CACNB2: variants seen among roughly 807,000 people sequenced by gnomAD.
The protein encoded by CACNB2 is voltage-dependent L-type calcium channel subunit beta-2.
CACNB2 carries 42 observed loss-of-function variants against 73.3 expected under a neutral mutation model. The ratio of observed to expected loss-of-function variants is 0.57; its 90% CI spans 0.45 to 0.74. The LOEUF (loss-of-function observed/expected upper bound fraction) is 0.74, where lower values mean the gene tolerates loss of function less well. Ranked by LOEUF, CACNB2 falls within the 30% of genes least tolerant of loss-of-function variation. CACNB2 has a pLI of 0.00. For missense variants in CACNB2, 940 were observed against 853.0 expected, an observed-to-expected ratio of 1.10 and a Z score of -1.27; for synonymous variants, 348 against 310.3, an observed-to-expected ratio of 1.12 and a Z score of -1.28.
intron 2 of CACNB2, among the ~76,000 whole-genome samples, chr10:18,157,892 C>T (rs1478213089): frequency 1.3e-5 from 2 of 152,146 alleles, no homozygotes; most frequent in Non-Finnish European, 2.9e-5. Flanking sequence ...ATGTCTTCAG[C>T]GTTGTAAATT....
intron 3 of CACNB2, among the ~76,000 whole-genome samples, chr10:18,405,826 T>C (rs2044257378): frequency 1.3e-5 from 2 of 152,010 alleles, no homozygotes; most frequent in African/African-American, 2.4e-5. Context: ...GGTTTGGTGG[T>C]GTATGCCTGT....
At chr10:18,260,937 G>T in intron 2 of CACNB2, 1 of 1,219,386 alleles carries the variant, frequency 8.2e-7, no homozygotes, top group Non-Finnish European at 1.0e-6. Flanking sequence ...CTGACGATCT[G>T]GACAGTCCTA....
intron 2 of CACNB2, among the ~76,000 whole-genome samples, chr10:18,306,171 C>A (rs142768010): frequency 6.6e-6 from 1 of 152,008 alleles, no homozygotes; most frequent in South Asian, 2.1e-4. Context: ...AAGTCAGGCA[C>A]AGATGCAGTG....
chr10:18,294,373 T>G (rs983101432), intron 2 of CACNB2, among the ~76,000 whole-genome samples: 1 of 152,208 alleles, frequency 6.6e-6, no homozygotes, highest in African/African-American at 2.4e-5. Flanking sequence ...CAGATCATCC[T>G]GGTACAAGGG....
intron 2 of CACNB2, among the ~76,000 whole-genome samples, chr10:18,197,445 G>A (rs2131295533): frequency 6.6e-6 from 1 of 152,288 alleles, no homozygotes; most frequent in South Asian, 2.1e-4. Context: ...AGATAAAGCA[G>A]GCCCCAACAC....
chr10:18,355,874 G>A (rs1448964789), intron 2 of CACNB2, among the ~76,000 whole-genome samples: 1 of 151,982 alleles, frequency 6.6e-6, no homozygotes, highest in Non-Finnish European at 1.5e-5. Context: ...CTGGCCTCAT[G>A]ATCCACCCGC....
intron 9 of CACNB2, 30 bp downstream of exon 9, chr10:18,518,998 G>C (rs764751389): frequency 6.2e-7 from 1 of 1,607,324 alleles, no homozygotes; most frequent in Non-Finnish European, 8.5e-7. Flanking sequence ...GGGTTTTGTG[G>C]ATTTTGTCTT....
At chr10:18,185,364 G>C (rs529685030) in intron 2 of CACNB2, among the ~76,000 whole-genome samples, 1 of 152,302 alleles carries the variant, frequency 6.6e-6, no homozygotes, top group South Asian at 2.1e-4. Flanking sequence ...TGTATACAGA[G>C]TATTTCCAGA....
intron 3 of CACNB2, among the ~76,000 whole-genome samples, chr10:18,477,531 C>A (rs1249732503): frequency 4.6e-5 from 7 of 152,128 alleles, no homozygotes; most frequent in Non-Finnish European, 1.0e-4. Flanking sequence ...TGTGACAGGT[C>A]TCAATCAATT....
At position 18,421,924 on chromosome 10, in the gene CACNB2, G is replaced by C. The variant is rs149646342; in HGVS notation, c.333+19881G>C. ...CACCACATAAATTCTTAGAGTTCTG[G>C]GTTTAGCTGTAGTGTTTAGTCTAGT... On this transcript the variant is annotated intron_variant, in intron 3 of 13. Transcript: ENST00000324631. Among the ~76,000 whole-genome samples, 1,268 of 152,282 alleles carry C rather than the reference G, an allele frequency of 8.3e-3. 5 individuals carry two copies. Among genetic ancestry groups the C allele is most frequent in the African/African-American group, 0.011 (461 of 41,560 alleles).
chr10:18,401,229 T>G, intron 2 of CACNB2: 6 of 1,081,936 alleles, frequency 5.5e-6, no homozygotes, highest in African/African-American at 1.6e-5. Context: ...AGAGGGAAGC[T>G]AGGGAGATTC....
In CACNB2 at chr10:18,169,539, C is replaced by T. The variant is rs149849098; in HGVS notation, c.213+18564C>T. ...AATTGTACGGGAAAAATATTGCTCT[C>T]TGAATAAAGTCATCTGAGTTCAACC... On this transcript the variant is annotated intron_variant, in intron 2 of 13. Coordinates refer to ENST00000324631, the MANE Select transcript of CACNB2 (RefSeq NM_201596.3). Among the ~76,000 whole-genome samples the T allele has an allele frequency of 2.8e-3, 424 of 152,254 alleles. 3 individuals are homozygous for T. The highest frequency in any genetic ancestry group is 9.7e-3 in the African/African-American group (405 of 41,540).
chr10:18,433,285 T>A (rs964525704), intron 3 of CACNB2, among the ~76,000 whole-genome samples: 1 of 152,170 alleles, frequency 6.6e-6, no homozygotes. Flanking sequence ...GTTTTAGAAA[T>A]GGCAAGCAGT....
At chr10:18,241,326 G>A (rs549892234) in intron 2 of CACNB2, among the ~76,000 whole-genome samples, 4 of 152,140 alleles carry the variant, frequency 2.6e-5, no homozygotes, top group Non-Finnish European at 5.9e-5. Flanking sequence ...GCATTAAAGA[G>A]ACTACATTTA....
chr10:18,479,365 G>C (rs1033189313), intron 3 of CACNB2, among the ~76,000 whole-genome samples: 1 of 152,024 alleles, frequency 6.6e-6, no homozygotes, highest in African/African-American at 2.4e-5. Context: ...ATTACTGTAG[G>C]TATACCTGGA....
chr10:18,357,603 GAA>G (rs2041974600), intron 2 of CACNB2, among the ~76,000 whole-genome samples: 2 of 152,086 alleles, frequency 1.3e-5, no homozygotes, highest in Middle Eastern at 3.2e-3. Flanking sequence ...TTCATTTCTG[GAA>G]AATTCAGTAT....
rs1255438545 is a variant in CACNB2, at chr10:18,536,215, C to T, written c.1302+19C>T. The stretch of plus-strand genomic sequence containing the variant: ...TCCTCCAGTAAGTTATCTCTATATA[C>T]AGCATAATCCAGTTACAGAGATCAG... On this transcript the variant is annotated intron_variant, in intron 12 of 13. Transcript: ENST00000324631. 8.8e-6 allele frequency: 7 copies of T among 797,092 alleles called. No homozygotes were observed. In the African/African-American group the frequency reaches 1.4e-4, roughly 16 times the overall value. 49.4% of individuals were successfully genotyped at this position (797,092 alleles called of 1,614,324 possible).
intron 2 of CACNB2, among the ~76,000 whole-genome samples, chr10:18,153,947 G>GT (rs1273252796): frequency 6.6e-6 from 1 of 150,544 alleles, no homozygotes; most frequent in Non-Finnish European, 1.5e-5. Context: ...GTAAGTGTAT[G>GT]TTTTTTAAAC....
At chr10:18,243,068 G>C (rs2036726895) in intron 2 of CACNB2, among the ~76,000 whole-genome samples, 1 of 149,936 alleles carries the variant, frequency 6.7e-6, no homozygotes, top group Non-Finnish European at 1.5e-5. Context: ...TTGAGATAAA[G>C]ACTAAATTTT....
Sources: gnomAD v4.1 joint callset for allele counts (sites outside exome capture counted in the v4.1 genomes callset) on GRCh38, gnomAD v4.1.1 for gene constraint, MANE v1.5 for transcripts, NCBI Gene and HGNC (gene_info 2026-07-23, HGNC 2026-07-21) for gene names.